PCSK5: variants seen among roughly 807,000 people sequenced by gnomAD.
The protein encoded by PCSK5 is prohormone convertase 5.
A neutral mutation model predicts 233.2 loss-of-function variants in PCSK5; 129 were observed. The ratio of observed to expected loss-of-function variants is 0.55; its 90% confidence interval spans 0.48 to 0.64. The LOEUF (loss-of-function observed/expected upper bound fraction) is 0.64, where lower values mean the gene tolerates loss of function less well. Ranked by LOEUF, PCSK5 falls within the 30% of genes least tolerant of loss-of-function variation. PCSK5 has a pLI of 0.00. For synonymous variants in PCSK5, 825 were observed against 879.2 expected (o/e 0.94, Z 1.09); for missense variants, 2,076 against 2,430.1 (o/e 0.85, Z 3.06).
intron 1 of PCSK5, among the ~76,000 whole-genome samples, chr9:75,907,830 T>G (rs1445823653): frequency 6.6e-6 from 1 of 152,196 alleles, no homozygotes; most frequent in African/African-American, 2.4e-5. Context: ...TTTCACTGTT[T>G]ATGTAGAAGC....
At chr9:76,042,377 A>G (rs2792223) in intron 5 of PCSK5, among the ~76,000 whole-genome samples, 115,698 of 152,208 alleles carry the variant, frequency 0.76, 44,132 homozygotes, top group Admixed American at 0.82. Flanking sequence ...GCCAGGCACC[A>G]TGGTGGCTCA....
intron 5 of PCSK5, among the ~76,000 whole-genome samples, chr9:76,029,935 A>G (rs184243358): frequency 1.3e-5 from 2 of 152,352 alleles, no homozygotes; most frequent in East Asian, 3.9e-4. Flanking sequence ...GTTCAAAAGA[A>G]AACATTCTTA....
chr9:76,243,314 C>A (rs1291475227), intron 24 of PCSK5, among the ~76,000 whole-genome samples: 2 of 152,034 alleles, frequency 1.3e-5, no homozygotes, highest in Non-Finnish European at 2.9e-5. Flanking sequence ...TGGCTGTGAT[C>A]CTACTATAAG....
At chr9:76,262,889 G>T (rs1379289763) in intron 24 of PCSK5, among the ~76,000 whole-genome samples, 1 of 151,232 alleles carries the variant, frequency 6.6e-6, no homozygotes, top group Non-Finnish European at 1.5e-5. Flanking sequence ...CTGACAAAGG[G>T]CTAATATCCA....
intron 1 of PCSK5, among the ~76,000 whole-genome samples, chr9:75,900,590 A>G (rs1825983322): frequency 6.7e-6 from 1 of 149,306 alleles, no homozygotes; most frequent in Non-Finnish European, 1.5e-5. Flanking sequence ...GAGGTGGGAC[A>G]GTTGCTTGAG....
intron 20 of PCSK5, among the ~76,000 whole-genome samples, chr9:76,218,145 G>A (rs934158455): frequency 4.6e-5 from 7 of 152,154 alleles, no homozygotes; most frequent in Admixed American, 2.6e-4. Flanking sequence ...CCCATCTGAT[G>A]GAGATTCACC....
At position 76,343,165 on chromosome 9, in the gene PCSK5, ATTT is replaced by A. The variant is rs57723867; in HGVS notation, c.4966+4733_4966+4735del. On this transcript the variant is annotated intron_variant, in intron 35 of 37. Coordinates refer to ENST00000674117, the MANE Select transcript of PCSK5 (RefSeq NM_001372043.1). ...AACTCTCTACTGACCTTAGGATAGA[ATTT>A]TTTTTTTTTTTTTTGAGACAGAGCC... Among the ~76,000 whole-genome samples the A allele has an allele frequency of 8.0e-3, 1,131 of 141,080 alleles. 5 individuals carry two copies. The highest frequency in any genetic ancestry group is 0.019 in the South Asian group (80 of 4,316). 92.6% of individuals were successfully genotyped at this position (141,080 alleles called of 152,430 possible). A position where few individuals can be genotyped will look rare whatever the true frequency, so the allele number is the denominator to read the frequency against.
chr9:76,039,768 T>C (rs1829014409), intron 5 of PCSK5, among the ~76,000 whole-genome samples: 1 of 152,154 alleles, frequency 6.6e-6, no homozygotes, highest in Admixed American at 6.5e-5. Flanking sequence ...GGTATATGAT[T>C]TGGGTGGGCA....
intron 14 of PCSK5, among the ~76,000 whole-genome samples, chr9:76,177,242 C>T (rs11787693): frequency 0.085 from 12,892 of 151,636 alleles, 685 homozygotes; most frequent in South Asian, 0.13. Context: ...TGTAGTGAGC[C>T]GGGATCGTGC....
chr9:76,138,030 T>C (rs540846845), intron 10 of PCSK5, among the ~76,000 whole-genome samples: 29 of 152,260 alleles, frequency 1.9e-4, no homozygotes, highest in African/African-American at 6.5e-4. Context: ...TGGTTTTCCT[T>C]CCTGGAATTT....
rs1378480666 is a variant in PCSK5 at position 76,296,692 on chromosome 9, C to T, written c.3350C>T (p.Pro1117Leu). The change falls in exon 27 of 38, where the codon CCT (proline) becomes CTT (leucine). Residue 1117 changes from proline to leucine, a missense_variant. Pro to Leu is a moderately conservative substitution (Grantham distance 98). Around this residue, in one of 6 missense-constraint regions of PCSK5, gnomAD observed 1,510 missense variants for 1,538.1 expected, o/e 0.98. Coordinates refer to ENST00000674117, the MANE Select transcript of PCSK5 (RefSeq NM_001372043.1). Reference protein sequence around the residue: ...LGGSCVRKCGPGFYGDQEMGE... With the variant: ...LGGSCVRKCGLGFYGDQEMGE... Reference sequence around the variant, plus strand: ...GGCAGTTGTGTGAGGAAATGTGGTCCTGGATTCTATGGTGACCAAGAAATG... The same window carrying T: ...GGCAGTTGTGTGAGGAAATGTGGTCTTGGATTCTATGGTGACCAAGAAATG... 6.2e-7 allele frequency: 1 copy of T among 1,612,316 alleles called. No individual in the cohort carries two copies. The highest frequency in any genetic ancestry group is 1.1e-5 in the South Asian group (1 of 91,070).
chr9:76,088,971 A>G (rs1274675420), intron 7 of PCSK5, among the ~76,000 whole-genome samples: 2 of 143,894 alleles, frequency 1.4e-5, no homozygotes, highest in East Asian at 4.0e-4. Flanking sequence ...ATGTTTCTAG[A>G]TGAGATCTAT....
chr9:76,119,686 T>C (rs1453155568), intron 9 of PCSK5, among the ~76,000 whole-genome samples: 1 of 152,072 alleles, frequency 6.6e-6, no homozygotes, highest in East Asian at 1.9e-4. Flanking sequence ...TGTGTATATA[T>C]TTATGGGGTC....
Position 76,297,259 on chromosome 9 carries a change from C to T in PCSK5, c.3523+394C>T, listed in dbSNP as rs115808363. The stretch of plus-strand genomic sequence containing the variant: ...ACGTCCTTATTACATGTCCTTTTTA[C>T]AGTAAAGGAAAATTTTACCTGTAGG... On this transcript the variant is annotated intron_variant, in intron 27 of 37. Transcript: ENST00000674117. Among the ~76,000 whole-genome samples the T allele has an allele frequency of 3.0e-3, 453 of 152,290 alleles. 2 individuals carry two copies. The highest frequency in any genetic ancestry group is 0.011 in the African/African-American group (443 of 41,550).
chr9:75,944,220 A>T (rs1279660090), intron 2 of PCSK5, among the ~76,000 whole-genome samples: 2 of 150,718 alleles, frequency 1.3e-5, no homozygotes, highest in African/African-American at 4.9e-5. Context: ...TATATATATA[A>T]ATAAAGTTTT....
chr9:76,092,430 C>T (rs1396822448), intron 7 of PCSK5, among the ~76,000 whole-genome samples: 1 of 152,152 alleles, frequency 6.6e-6, no homozygotes, highest in Non-Finnish European at 1.5e-5. Context: ...ATTCTCTGAG[C>T]CCTGTTGCCC....
At chr9:75,964,886 A>T (rs997951435) in intron 2 of PCSK5, among the ~76,000 whole-genome samples, 3 of 151,964 alleles carry the variant, frequency 2.0e-5, no homozygotes, top group Non-Finnish European at 4.4e-5. Context: ...CTTCATGCCA[A>T]TGGCGGGGGT....
At chr9:76,079,811 T>C (rs1383975435) in intron 7 of PCSK5, among the ~76,000 whole-genome samples, 1 of 152,224 alleles carries the variant, frequency 6.6e-6, no homozygotes, top group Non-Finnish European at 1.5e-5. Context: ...TTGTCATAGA[T>C]GGCTCTTATT....
intron 2 of PCSK5, among the ~76,000 whole-genome samples, chr9:75,944,535 T>C (rs550974198): frequency 6.6e-6 from 1 of 152,258 alleles, no homozygotes; most frequent in African/African-American, 2.4e-5. Context: ...ATTTGCTCCT[T>C]CTTGAAAAAG....
Sources: allele counts gnomAD v4.1 joint callset (sites outside exome capture counted in the v4.1 genomes callset), GRCh38; gene constraint gnomAD v4.1.1; regional missense constraint gnomAD v4.1.1; transcripts MANE v1.5; gene names NCBI Gene and HGNC (gene_info 2026-07-23, HGNC 2026-07-21).